SARDH: variants seen among roughly 807,000 people sequenced by gnomAD.
SARDH encodes the protein sarcosine dehydrogenase, mitochondrial.
In SARDH, 95 loss-of-function variants were observed where a neutral mutation model predicts 109.1. The observed-to-expected ratio is 0.87, with a 90% CI of 0.74 to 1.03. SARDH has a LOEUF of 1.03. Among genes scored for constraint, SARDH ranks in the 50% least tolerant of loss-of-function variants. SARDH has a pLI of 0.00. For missense variants in SARDH, 1,267 were observed against 1,287.8 expected (o/e 0.98, Z 0.25); for synonymous variants, 572 against 534.8 (o/e 1.07, Z -0.96).
At chr9:133,672,086 G>A (rs904770406) in intron 17 of SARDH, among the ~76,000 whole-genome samples, 2 of 152,172 alleles carry the variant, frequency 1.3e-5, no homozygotes, top group Non-Finnish European at 1.5e-5. Context: ...GGCAAGCCAC[G>A]CTTCCTCTGC....
Position 133,686,300 on chromosome 9 carries a change from C to T in SARDH, c.2070-1014G>A, listed in dbSNP as rs547249416. Among the ~76,000 whole-genome samples the T allele has an allele frequency of 3.3e-4, 50 of 152,188 alleles. No individual in the cohort carries two copies. The highest frequency in any genetic ancestry group is 1.1e-3 in the African/African-American group (47 of 41,522). ...CCATGGTCTCCCAGGAAGCCCTCAC[C>T]TCCTGGGCACCGTGCCCACCTCCAG... On this transcript the variant is annotated intron_variant, in intron 16 of 20. Coordinates refer to ENST00000439388, the MANE Select transcript of SARDH (RefSeq NM_001134707.2). The surrounding 1 kb of genome is among the most constrained non-coding windows in gnomAD (Gnocchi z 4.0).
At chr9:133,734,532 G>C (rs2073908) in intron 1 of SARDH, among the ~76,000 whole-genome samples, 47 of 152,238 alleles carry the variant, frequency 3.1e-4, no homozygotes, top group Non-Finnish European at 6.2e-4. Context: ...GTCAGTGCCC[G>C]GGAGCAACCT....
chr9:133,737,981 C>T (rs927178879), intron 1 of SARDH, among the ~76,000 whole-genome samples: 1 of 152,230 alleles, frequency 6.6e-6, no homozygotes, highest in Admixed American at 6.5e-5. Context: ...CCCAGGAACG[C>T]CCTCCTCCTC....
chr9:133,665,822 C>A (rs1830045976), intron 20 of SARDH, among the ~76,000 whole-genome samples: 1 of 152,250 alleles, frequency 6.6e-6, no homozygotes, highest in Non-Finnish European at 1.5e-5. Flanking sequence ...TGCTCGCTCC[C>A]TCCCCAATTC....
intron 6 of SARDH, 120 bp from the exon 7 acceptor site, chr9:133,719,162 G>A (rs569490550): frequency 7.7e-5 from 59 of 764,338 alleles, no homozygotes; most frequent in East Asian, 5.1e-4. Flanking sequence ...GGTCCTTCTC[G>A]TTGTAGGACC....
rs1200348029 is a variant in SARDH, at chr9:133,666,313, G to A, written c.2631+422C>T. Among the ~76,000 whole-genome samples the A allele has an allele frequency of 1.3e-5, 2 of 152,154 alleles. No individual in the cohort carries two copies. The highest frequency in any genetic ancestry group is 2.1e-4 in the South Asian group (1 of 4,834). ...GGGTGGCCTGAGGTTTGGGTCTCTG[G>A]TGTGAGGAGCTGGAAGGTATCAGCC... On this transcript the variant is annotated intron_variant, in intron 20 of 20. Transcript: ENST00000439388. This position sits in a 1 kb window ranked among gnomAD's most constrained non-coding sequence, Gnocchi z 5.2.
At chr9:133,700,871 G>GC (rs1372693554) in intron 13 of SARDH, among the ~76,000 whole-genome samples, 1 of 152,040 alleles carries the variant, frequency 6.6e-6, no homozygotes, top group Non-Finnish European at 1.5e-5. Flanking sequence ...GGCTCAACAT[G>GC]CCCCCCACTG....
intron 17 of SARDH, among the ~76,000 whole-genome samples, chr9:133,680,173 T>C (rs1830648276): frequency 6.6e-6 from 1 of 152,190 alleles, no homozygotes; most frequent in Non-Finnish European, 1.5e-5. Context: ...CCGGAAAGAA[T>C]TTTAGACATT....
chr9:133,708,339 G>T lies in SARDH; in HGVS notation c.1418C>A (p.Pro473His), dbSNP rs1831779605. Residue 473 changes from proline to histidine, a missense_variant, in exon 11 of 21, where the codon CCC (proline) becomes CAC (histidine). Physicochemically the swap from Pro to His is moderately conservative, Grantham distance 77. Coordinates refer to ENST00000439388, the MANE Select transcript of SARDH (RefSeq NM_001134707.2). The part of the protein sequence containing the change: ...SYAKNYSVVF[P>H]HDEPLAGRNM... ...GCGCCCGGCCAGCGGCTCATCGTGG[G>T]GGAAGACGACGGAGTAGTTCTTGGC... 3 of 1,613,382 alleles carry T rather than the reference G, an allele frequency of 1.9e-6. No individual in the cohort carries two copies. Among genetic ancestry groups the T allele is most frequent in the Non-Finnish European group, 2.5e-6 (3 of 1,179,736 alleles).
chr9:133,700,735 G>GCACACA (rs1173272067), intron 13 of SARDH, among the ~76,000 whole-genome samples: 1 of 58,038 alleles, frequency 1.7e-5, no homozygotes, highest in African/African-American at 6.8e-5. Flanking sequence ...ACACACGCAC[G>GCACACA]CGCACACACA....
chr9:133,671,753 C>A (rs1564234177), intron 17 of SARDH, 56 bp from the exon 18 acceptor site: 1 of 1,512,078 alleles, frequency 6.6e-7, no homozygotes, highest in Non-Finnish European at 8.9e-7. Flanking sequence ...GAGGTCCAGG[C>A]CCAGGCCACC....
chr9:133,721,764 C>G (rs879853249), intron 6 of SARDH, among the ~76,000 whole-genome samples: 14 of 152,164 alleles, frequency 9.2e-5, no homozygotes, highest in Admixed American at 8.5e-4. Flanking sequence ...TATACACATG[C>G]AAATACCCCC....
intron 17 of SARDH, among the ~76,000 whole-genome samples, chr9:133,676,807 A>G (rs188969307): frequency 1.9e-4 from 29 of 152,370 alleles, no homozygotes; most frequent in African/African-American, 6.3e-4. Context: ...CACAGTGGGT[A>G]CCAAACAGGA....
Position 133,730,196 on chromosome 9 carries a change from G to C in SARDH, c.691-9C>G. 1 of 1,614,036 alleles carries C rather than the reference G, an allele frequency of 6.2e-7. No homozygotes were observed. Among genetic ancestry groups the C allele is most frequent in the Admixed American group, 1.7e-5 (1 of 60,028 alleles). Reference sequence around the variant, plus strand: ...GGGCAGTTCTCAATGACCTGGAATTGAGAGGAACTGCTTCTAAAATCCCAC... The same window carrying C: ...GGGCAGTTCTCAATGACCTGGAATTCAGAGGAACTGCTTCTAAAATCCCAC... On this transcript the variant is annotated splice_polypyrimidine_tract_variant and intron_variant, in intron 4 of 20. Coordinates refer to ENST00000439388, the MANE Select transcript of SARDH (RefSeq NM_001134707.2).
In SARDH at chr9:133,680,470, C is replaced by G. The variant is rs143955597; in HGVS notation, c.2163+4723G>C. 4.4e-3 allele frequency among the ~76,000 whole-genome samples: 677 copies of G among 152,342 alleles called. 1 individual carries two copies. The highest frequency in any genetic ancestry group is 0.016 in the African/African-American group (659 of 41,572). On this transcript the variant is annotated intron_variant, in intron 17 of 20. Coordinates refer to ENST00000439388, the MANE Select transcript of SARDH (RefSeq NM_001134707.2). ...GGCACTGTGTCCCAGGCTGGGGCCA[C>G]CTGGGAGCGCGTGGCCCTGGCCACT...
chr9:133,690,303 T>G, intron 16 of SARDH, 77 bp downstream of exon 16: 1 of 1,544,302 alleles, frequency 6.5e-7, no homozygotes. Flanking sequence ...GACAAGCTGT[T>G]CTGCCCAAGG....
chr9:133,733,788 T>C, intron 2 of SARDH, 55 bp downstream of exon 2: 1 of 1,378,846 alleles, frequency 7.3e-7, no homozygotes, highest in African/African-American at 1.5e-5. Flanking sequence ...CAATGGGCTG[T>C]GGCCCCTCGC....
chr9:133,690,404 A>C lies in SARDH; in HGVS notation c.2045T>G (p.Met682Arg). The C allele has an allele frequency of 6.2e-7, 1 of 1,613,160 alleles. No individual in the cohort carries two copies. Among genetic ancestry groups the C allele is most frequent in the African/African-American group, 1.3e-5 (1 of 75,034 alleles). Residue 682 changes from methionine to arginine, a missense_variant, in exon 16 of 21, where the codon ATG becomes AGG. Physicochemically the swap from Met to Arg is moderately conservative, Grantham distance 91. Transcript: ENST00000439388. ...CCTGGCTGGGCCCTGGATACTGATC[A>C]TACCCAGGTCCTCGGAGCTGTCGAT... ...QLIDSSEDLG[M>R]ISIQGPASRA...
Position 133,663,971 on chromosome 9 carries a change from C to G in SARDH, c.2675G>C (p.Arg892Thr). Residue 892 changes from arginine (R) to threonine (T), a missense_variant, in exon 21 of 21, where the codon AGA (arginine) becomes ACA (threonine). By Grantham distance (71) the Arg-to-Thr change is moderately conservative. Coordinates refer to ENST00000439388, the MANE Select transcript of SARDH (RefSeq NM_001134707.2). Reference sequence around the variant, plus strand: ...CTGGGCACCATAGGTCACCCCCATTCTCTCCAGGGCATAGTCCCCGCTCTT... The same window carrying G: ...CTGGGCACCATAGGTCACCCCCATTGTCTCCAGGGCATAGTCCCCGCTCTT... ...FVKSGDYALE[R>T]MGVTYGAQAH... The G allele has an allele frequency of 6.2e-7, 1 of 1,614,208 alleles. No individual in the cohort carries two copies. Among genetic ancestry groups the G allele is most frequent in the Non-Finnish European group, 8.5e-7 (1 of 1,180,034 alleles).
Sources: gnomAD v4.1 joint callset for allele counts (sites outside exome capture counted in the v4.1 genomes callset) on GRCh38, gnomAD v4.1.1 for gene constraint, Gnocchi (gnomAD v3.1) non-coding constraint, MANE v1.5 for transcripts, NCBI Gene and HGNC (gene_info 2026-07-23, HGNC 2026-07-21) for gene names.